AUTS2: variants seen among roughly 807,000 people sequenced by gnomAD.
AUTS2 encodes activator of transcription and developmental regulator AUTS2.
Under a neutral mutation model 112.4 loss-of-function variants are expected in AUTS2, and 17 were observed. The observed-to-expected ratio is 0.15, with a 90% CI of 0.10 to 0.23. The LOEUF is 0.23. Ranked by LOEUF, AUTS2 falls within the 10% of genes least tolerant of loss-of-function variation. The pLI, the probability that AUTS2 is intolerant of heterozygous loss-of-function variation, is 1.00. For synonymous variants in AUTS2, 751 were observed against 702.7 expected, an observed-to-expected ratio of 1.07 and a Z score of -1.09; for missense variants, 1,510 against 1,701.6, an observed-to-expected ratio of 0.89 and a Z score of 1.98.
chr7:70,660,101 C>G (rs532850328), intron 5 of AUTS2, among the ~76,000 whole-genome samples: 1 of 151,902 alleles, frequency 6.6e-6, no homozygotes, highest in South Asian at 2.1e-4. Flanking sequence ...CACTTGAAAC[C>G]AGGAGGCAGA....
At chr7:70,547,659 A>G (rs145759526) in intron 5 of AUTS2, among the ~76,000 whole-genome samples, 1 of 152,228 alleles carries the variant, frequency 6.6e-6, no homozygotes, top group East Asian at 1.9e-4. Flanking sequence ...ATTGCTGAAT[A>G]GTATTCCATT....
chr7:70,098,649 T>C (rs1481646872), intron 2 of AUTS2, among the ~76,000 whole-genome samples: 2 of 152,042 alleles, frequency 1.3e-5, no homozygotes, highest in African/African-American at 4.8e-5. Context: ...TTGTAGACCA[T>C]GTCTTTTTAT....
chr7:69,966,358 C>T lies in AUTS2; in HGVS notation c.522+66860C>T, dbSNP rs867884942. ...CTTCTGGTCATGATAAAGCCACCCA[C>T]TAGCTATAATGCTATAGTCAGCAGT... On this transcript the variant is annotated intron_variant, in intron 2 of 18. Coordinates refer to ENST00000342771, the MANE Select transcript of AUTS2 (RefSeq NM_015570.4). 3.9e-5 allele frequency among the ~76,000 whole-genome samples: 6 copies of T among 152,164 alleles called. No individual in the cohort carries two copies. The South Asian group carries it at 1.2e-3, about 31-fold the overall frequency.
At chr7:70,040,135 C>T (rs535925856) in intron 2 of AUTS2, among the ~76,000 whole-genome samples, 40 of 151,850 alleles carry the variant, frequency 2.6e-4, no homozygotes, top group Admixed American at 5.2e-4. Context: ...ACAGTGGGTA[C>T]ATATAATTTT....
chr7:70,471,232 A>G (rs1438333844), intron 5 of AUTS2, among the ~76,000 whole-genome samples: 5 of 152,198 alleles, frequency 3.3e-5, no homozygotes, highest in Admixed American at 1.3e-4. Flanking sequence ...TCAACAAAAC[A>G]TGGCCATTCT....
intron 5 of AUTS2, among the ~76,000 whole-genome samples, chr7:70,644,515 A>G (rs1031544514): frequency 9.2e-5 from 14 of 152,120 alleles, no homozygotes; most frequent in African/African-American, 3.1e-4. Context: ...ACCCTTTTCC[A>G]CACATCGTCT....
intron 5 of AUTS2, among the ~76,000 whole-genome samples, chr7:70,643,011 T>G (rs1274380434): frequency 6.6e-6 from 1 of 152,202 alleles, no homozygotes; most frequent in Non-Finnish European, 1.5e-5. Context: ...CCCTTCTTGA[T>G]TTTTGATTTT....
chr7:70,124,816 C>A (rs1805876627), intron 3 of AUTS2, among the ~76,000 whole-genome samples: 1 of 152,178 alleles, frequency 6.6e-6, no homozygotes, highest in Non-Finnish European at 1.5e-5. Flanking sequence ...CCGCCTTGGC[C>A]TCCCAAAGTG....
chr7:70,340,256 A>AT (rs879744418), intron 4 of AUTS2, among the ~76,000 whole-genome samples: 3 of 151,778 alleles, frequency 2.0e-5, no homozygotes, highest in African/African-American at 7.3e-5. Context: ...ACCAGTACAC[A>AT]TTTTTTTTAA....
chr7:69,770,998 C>T (rs1327284545), intron 1 of AUTS2, among the ~76,000 whole-genome samples: 1 of 152,114 alleles, frequency 6.6e-6, no homozygotes, highest in Non-Finnish European at 1.5e-5. Flanking sequence ...AGAAATGTGA[C>T]TTCACCCGCC....
intron 5 of AUTS2, among the ~76,000 whole-genome samples, chr7:70,532,350 C>G (rs142379411): frequency 6.6e-6 from 1 of 152,162 alleles, no homozygotes; most frequent in Non-Finnish European, 1.5e-5. Flanking sequence ...GTTTCCTTCT[C>G]TTCATAATCT....
chr7:70,574,693 G>A (rs1237993268), intron 5 of AUTS2, among the ~76,000 whole-genome samples: 2 of 152,124 alleles, frequency 1.3e-5, no homozygotes, highest in Non-Finnish European at 2.9e-5. Flanking sequence ...CCCTTGGCTT[G>A]CTGCACTGTA....
intron 6 of AUTS2, among the ~76,000 whole-genome samples, chr7:70,723,087 C>T (rs1293191278): frequency 6.6e-6 from 1 of 152,126 alleles, no homozygotes; most frequent in Non-Finnish European, 1.5e-5. Context: ...GAGTAGAGAA[C>T]GTGAGCTTCT....
intron 4 of AUTS2, among the ~76,000 whole-genome samples, chr7:70,206,177 A>G (rs1810565568): frequency 6.6e-6 from 1 of 152,132 alleles, no homozygotes; most frequent in Non-Finnish European, 1.5e-5. Context: ...ACACTAGCTC[A>G]TGTTAAGTCT....
Position 69,954,217 on chromosome 7 carries a change from C to A in AUTS2, c.522+54719C>A, listed in dbSNP as rs541967235. On this transcript the variant is annotated intron_variant, in intron 2 of 18. Transcript: ENST00000342771. The stretch of plus-strand genomic sequence containing the variant: ...GAATACTTAGTATCTACCTTCTTAG[C>A]AAATTTTATTTATGCCACATAGTGA... Among the ~76,000 whole-genome samples, 6 of 152,230 alleles carry A rather than the reference C, an allele frequency of 3.9e-5. No homozygotes were observed. In the South Asian group the frequency reaches 1.2e-3, roughly 32 times the overall value.
At chr7:70,214,141 T>TA (rs1811057480) in intron 4 of AUTS2, among the ~76,000 whole-genome samples, 2 of 152,192 alleles carry the variant, frequency 1.3e-5, no homozygotes, top group Admixed American at 6.5e-5. Flanking sequence ...CCTTTTGCTT[T>TA]AAAACAGAAG....
At chr7:69,831,366 G>T (rs564934841) in intron 1 of AUTS2, among the ~76,000 whole-genome samples, 6 of 152,194 alleles carry the variant, frequency 3.9e-5, no homozygotes, top group African/African-American at 1.4e-4. Context: ...CTAACTCCAG[G>T]ACTTCATCCT....
intron 4 of AUTS2, among the ~76,000 whole-genome samples, chr7:70,385,928 C>T (rs568464664): frequency 1.3e-5 from 2 of 152,234 alleles, no homozygotes; most frequent in South Asian, 4.1e-4. Context: ...TTCTACTCAA[C>T]AGTATGGTTA....
intron 5 of AUTS2, among the ~76,000 whole-genome samples, chr7:70,689,788 A>T (rs1808663935): frequency 1.3e-5 from 2 of 151,860 alleles, no homozygotes; most frequent in South Asian, 4.2e-4. Flanking sequence ...AAAAAAAAAA[A>T]AAAAAAAAAA....
Sources: gnomAD v4.1 joint callset for allele counts (sites outside exome capture counted in the v4.1 genomes callset) on GRCh38, gnomAD v4.1.1 for gene constraint, MANE v1.5 for transcripts, NCBI Gene and HGNC (gene_info 2026-07-23, HGNC 2026-07-21) for gene names.